DLG2: variants seen among roughly 807,000 people sequenced by gnomAD.
DLG2 encodes discs large MAGUK scaffold protein 2.
DLG2 carries 45 observed loss-of-function variants against 132.5 expected under a neutral mutation model. That is an observed-to-expected ratio of 0.34 (90% CI 0.27 to 0.44). The LOEUF is 0.44. Ranked by LOEUF, DLG2 falls within the 20% of genes least tolerant of loss-of-function variation. The pLI is 1.00. For synonymous variants in DLG2, 424 were observed against 419.6 expected, an observed-to-expected ratio of 1.01 and a Z score of -0.13; for missense variants, 1,045 against 1,196.9, an observed-to-expected ratio of 0.87 and a Z score of 1.87.
At chr11:85,599,094 A>G (rs2153233700) in intron 2 of DLG2, among the ~76,000 whole-genome samples, 2 of 152,276 alleles carry the variant, frequency 1.3e-5, no homozygotes, top group Admixed American at 1.3e-4. Flanking sequence ...TGACCTTAAA[A>G]TTGATGACTT....
chr11:83,740,639 A>G (rs1454315677), intron 18 of DLG2, among the ~76,000 whole-genome samples: 1 of 152,184 alleles, frequency 6.6e-6, no homozygotes, highest in Non-Finnish European at 1.5e-5. Flanking sequence ...TCTATATGCT[A>G]TCAATACAAA....
chr11:85,224,749 A>C (rs2074872488), intron 4 of DLG2, among the ~76,000 whole-genome samples: 1 of 152,180 alleles, frequency 6.6e-6, no homozygotes, highest in Non-Finnish European at 1.5e-5. Context: ...TACAAATCTT[A>C]AAGAGTTTAA....
intron 9 of DLG2, among the ~76,000 whole-genome samples, chr11:84,115,658 A>G (rs1288943723): frequency 2.0e-5 from 3 of 152,096 alleles, no homozygotes; most frequent in Admixed American, 6.5e-5. Flanking sequence ...TACCTCTAGC[A>G]TTTTTACGTC....
At chr11:85,222,502 T>C (rs1002822116) in intron 4 of DLG2, among the ~76,000 whole-genome samples, 1 of 152,144 alleles carries the variant, frequency 6.6e-6, no homozygotes, top group African/African-American at 2.4e-5. Context: ...AGCCAGTTAC[T>C]ATTCTAAGCA....
intron 6 of DLG2, among the ~76,000 whole-genome samples, chr11:84,931,780 C>T (rs1566433796): frequency 2.0e-5 from 3 of 152,128 alleles, no homozygotes; most frequent in Non-Finnish European, 4.4e-5. Context: ...CCAGCATATG[C>T]TATGTTTTTG....
chr11:84,986,703 A>T (rs576329195), intron 6 of DLG2, among the ~76,000 whole-genome samples: 14 of 152,338 alleles, frequency 9.2e-5, no homozygotes, highest in African/African-American at 3.4e-4. Flanking sequence ...ATTTGACAAA[A>T]TTCAGCGTAT....
At chr11:84,451,914 G>A (rs1316937837) in intron 7 of DLG2, among the ~76,000 whole-genome samples, 1 of 151,612 alleles carries the variant, frequency 6.6e-6, no homozygotes, top group African/African-American at 2.4e-5. Flanking sequence ...AAGATATCTG[G>A]GGAAAGAGTA....
intron 6 of DLG2, among the ~76,000 whole-genome samples, chr11:84,747,788 G>A (rs1030737056): frequency 6.6e-6 from 1 of 152,088 alleles, no homozygotes; most frequent in Admixed American, 6.5e-5. Context: ...TATCGTAAAT[G>A]GTTAGAACGT....
chr11:83,983,740 G>A (rs1417537541), intron 11 of DLG2, among the ~76,000 whole-genome samples: 1 of 151,948 alleles, frequency 6.6e-6, no homozygotes, highest in East Asian at 1.9e-4. Flanking sequence ...GAATATATTT[G>A]TTTGCCTCAG....
intron 7 of DLG2, among the ~76,000 whole-genome samples, chr11:84,338,825 T>C (rs916973144): frequency 1.3e-5 from 2 of 151,950 alleles, no homozygotes; most frequent in African/African-American, 4.8e-5. Context: ...ATAATAATAA[T>C]AATAAAATAA....
At chr11:85,602,407 C>G (rs1219535092) in intron 2 of DLG2, among the ~76,000 whole-genome samples, 1 of 151,622 alleles carries the variant, frequency 6.6e-6, no homozygotes, top group Non-Finnish European at 1.5e-5. Flanking sequence ...TTTTTTCTTT[C>G]TGTCTTTGTT....
intron 3 of DLG2, among the ~76,000 whole-genome samples, chr11:85,402,601 G>A (rs1008564289): frequency 2.0e-5 from 3 of 152,066 alleles, no homozygotes; most frequent in African/African-American, 7.2e-5. Flanking sequence ...ATCTGACAAA[G>A]GGCTAATATC....
intron 6 of DLG2, among the ~76,000 whole-genome samples, chr11:84,578,809 G>C (rs1271977649): frequency 6.6e-6 from 1 of 152,142 alleles, no homozygotes; most frequent in Non-Finnish European, 1.5e-5. Context: ...TGAGGGGCCA[G>C]GGGTAGAATG....
intron 3 of DLG2, among the ~76,000 whole-genome samples, chr11:85,406,229 G>T (rs534786931): frequency 6.6e-6 from 1 of 151,276 alleles, no homozygotes; most frequent in East Asian, 2.0e-4. Flanking sequence ...AAGAAACCAG[G>T]CTGCAATTTA....
chr11:83,732,451 T>C (rs1490962108), intron 18 of DLG2, among the ~76,000 whole-genome samples: 1 of 152,174 alleles, frequency 6.6e-6, no homozygotes, highest in African/African-American at 2.4e-5. Context: ...AATATGTCTT[T>C]CTGTAACTTC....
intron 19 of DLG2, among the ~76,000 whole-genome samples, chr11:83,608,364 T>TC (rs1239325799): frequency 6.6e-6 from 1 of 152,074 alleles, no homozygotes; most frequent in East Asian, 1.9e-4. Context: ...ATTTTTTTTT[T>TC]TTTTAGATTT....
At chr11:84,619,744 A>C (rs1193567864) in intron 6 of DLG2, among the ~76,000 whole-genome samples, 1 of 151,764 alleles carries the variant, frequency 6.6e-6, no homozygotes, top group Non-Finnish European at 1.5e-5. Flanking sequence ...TTTCAAAATT[A>C]ATGCTTTTTT....
In DLG2 at chr11:84,312,081, A is replaced by C. The variant is rs7945826; in HGVS notation, c.520-60790T>G. Among the ~76,000 whole-genome samples, 162 of 152,372 alleles carry C rather than the reference A, an allele frequency of 1.1e-3. 1 individual carries two copies. The highest frequency in any genetic ancestry group is 0.01 in the Middle Eastern group (3 of 294). On this transcript the variant is annotated intron_variant, in intron 7 of 27. Transcript: ENST00000376104. ...TCATTTATTCCTTAAATATTAATTG[A>C]GCATCTACCATATGAAAGCACTATG...
Position 84,082,380 on chromosome 11 carries a change from C to T in DLG2, c.749+16543G>A, listed in dbSNP as rs866635529. Among the ~76,000 whole-genome samples the T allele has an allele frequency of 1.8e-4, 27 of 152,156 alleles. No individual in the cohort carries two copies. The Middle Eastern group carries it at 0.01, about 58-fold the overall frequency. On this transcript the variant is annotated intron_variant, in intron 10 of 27. Transcript: ENST00000376104. The stretch of plus-strand genomic sequence containing the variant: ...ATGATTCTAATTTACTTTGAAATGT[C>T]CGTATTTTTCAAATTTTCTATGAGG...
Sources: gnomAD v4.1 joint callset for allele counts (sites outside exome capture counted in the v4.1 genomes callset) on GRCh38, gnomAD v4.1.1 for gene constraint, MANE v1.5 for transcripts, NCBI Gene and HGNC (gene_info 2026-07-23, HGNC 2026-07-21) for gene names.